EMILIN2: variants seen among roughly 807,000 people sequenced by gnomAD.
EMILIN2 encodes the protein EMILIN-2.
EMILIN2 carries 71 observed loss-of-function variants against 87.1 expected under a neutral mutation model. That is an observed-to-expected ratio of 0.82 (90% CI 0.67 to 0.99). EMILIN2 has a LOEUF of 0.99. Among genes scored for constraint, EMILIN2 ranks in the 50% least tolerant of loss-of-function variants. The pLI is 0.00. For missense variants in EMILIN2, 1,407 were observed against 1,371.8 expected (o/e 1.03, Z -0.40); for synonymous variants, 581 against 563.4 (o/e 1.03, Z -0.44).
At chr18:2,902,592 G>A (rs1269112406) in intron 4 of EMILIN2, among the ~76,000 whole-genome samples, 2 of 152,230 alleles carry the variant, frequency 1.3e-5, no homozygotes, top group Admixed American at 1.3e-4. Flanking sequence ...AGTCACATGA[G>A]AGCTGGGTAC....
At chr18:2,875,618 G>A (rs1355210372) in intron 2 of EMILIN2, among the ~76,000 whole-genome samples, 1 of 152,186 alleles carries the variant, frequency 6.6e-6, no homozygotes, top group Non-Finnish European at 1.5e-5. Flanking sequence ...CCACGCTTAG[G>A]GCAGTGCCTT....
In EMILIN2 at chr18:2,907,012, TCTGCCGCGGGGC is replaced by T; in HGVS notation, c.2590_2601del (p.Leu864_Gly867del). 7.5e-7 allele frequency: 1 copy of T among 1,339,160 alleles called. No homozygotes were observed. Among genetic ancestry groups the T allele is most frequent in the Non-Finnish European group, 9.5e-7 (1 of 1,047,470 alleles). 83.0% of individuals were successfully genotyped at this position (1,339,160 alleles called of 1,614,324 possible). A position where few individuals can be genotyped will look rare whatever the true frequency, so the allele number is the denominator to read the frequency against. ...CAGGCGCAGGCGTGTCTGGGCGGGGTCTGCCGCGGGGCGTGGACGGCCAGACCGGGAGCGGCA... is the reference window on the plus strand; with the variant it reads ...CAGGCGCAGGCGTGTCTGGGCGGGGTGTGGACGGCCAGACCGGGAGCGGCA... On this transcript the variant is annotated inframe_deletion, in exon 5 of 8. Transcript: ENST00000254528.
chr18:2,906,878 G>A lies in EMILIN2; in HGVS notation c.2455G>A (p.Asp819Asn). ...PRPSGPATAEDPGRRPVLPQR... is the reference protein window; with the variant it reads ...PRPSGPATAENPGRRPVLPQR... ...GCCCAGCGGCCCCGCAACCGCAGAGGACCCTGGGCGACGGCCCGTCCTGCC... is the reference window on the plus strand; with the variant it reads ...GCCCAGCGGCCCCGCAACCGCAGAGAACCCTGGGCGACGGCCCGTCCTGCC... Residue 819 changes from aspartate (D) to asparagine (N), a missense_variant, in exon 5 of 8, where the codon GAC (aspartate) becomes AAC (asparagine). Transcript: ENST00000254528. 1 of 1,389,196 alleles carries A rather than the reference G, an allele frequency of 7.2e-7. No individual in the cohort carries two copies. The highest frequency in any genetic ancestry group is 9.3e-7 in the Non-Finnish European group (1 of 1,070,042). The allele number at this position is 1,389,196 out of a possible 1,614,324, so 86.1% of individuals were successfully genotyped here. A position where few individuals can be genotyped will look rare whatever the true frequency, so the allele number is the denominator to read the frequency against.
At chr18:2,851,462 A>G (rs967331282) in intron 2 of EMILIN2, among the ~76,000 whole-genome samples, 1 of 152,130 alleles carries the variant, frequency 6.6e-6, no homozygotes, top group African/African-American at 2.4e-5. Flanking sequence ...CATTCTGCCT[A>G]TCTGGGGACA....
intron 4 of EMILIN2, among the ~76,000 whole-genome samples, chr18:2,899,463 C>G (rs567270171): frequency 2.0e-5 from 3 of 152,146 alleles, no homozygotes; most frequent in Non-Finnish European, 1.5e-5. Flanking sequence ...TCCTCCTATG[C>G]GCTTCCATAT....
intron 2 of EMILIN2, among the ~76,000 whole-genome samples, chr18:2,853,750 G>A (rs545348917): frequency 6.6e-6 from 1 of 152,322 alleles, no homozygotes; most frequent in South Asian, 2.1e-4. Flanking sequence ...ATCCACAGCC[G>A]GGCTGAGCAC....
Position 2,847,655 on chromosome 18 carries a change from C to T in EMILIN2, c.135-154C>T, listed in dbSNP as rs776024474. ...GCTCTCCAGAGGCGCACCCGGGCAC[C>T]CTCCGGCGTCTGCTCGGTGAAGCTC... On this transcript the variant is annotated intron_variant, in intron 1 of 7. Transcript: ENST00000254528. The surrounding 1 kb of genome is among the most constrained non-coding windows in gnomAD (Gnocchi z 4.5). Among the ~76,000 whole-genome samples the T allele has an allele frequency of 1.4e-4, 21 of 152,212 alleles. No individual in the cohort carries two copies. The highest frequency in any genetic ancestry group is 3.1e-4 in the Non-Finnish European group (21 of 68,030).
At position 2,909,010 on chromosome 18, in the gene EMILIN2, G is replaced by C. The variant is rs143958656; in HGVS notation, c.2695+35G>C. ...CTGAGAGACCAGGAGCAGGAGGAGCGGTCTCCTTGGTGGCCTCTGCCCCTC... is the reference window on the plus strand; with the variant it reads ...CTGAGAGACCAGGAGCAGGAGGAGCCGTCTCCTTGGTGGCCTCTGCCCCTC... On this transcript the variant is annotated intron_variant, in intron 6 of 7. Coordinates refer to ENST00000254528, the MANE Select transcript of EMILIN2 (RefSeq NM_032048.3). 1.6e-3 allele frequency: 2,541 copies of C among 1,612,216 alleles called. 44 individuals are homozygous for C. The African/African-American group carries it at 0.029, about 18-fold the overall frequency.
At chr18:2,862,301 T>C (rs1311544796) in intron 2 of EMILIN2, among the ~76,000 whole-genome samples, 2 of 152,220 alleles carry the variant, frequency 1.3e-5, no homozygotes, top group African/African-American at 4.8e-5. Context: ...AGGGCATCCC[T>C]GTCTTGTGCC....
rs1261054319 is a variant in EMILIN2, at chr18:2,885,285, A to G, written c.433+146A>G. ...ATACCTGCAGTAGCCACATGTGACA[A>G]ATTTATTCTCAGGAGCAGTAGCAAT... is the stretch of plus-strand genomic sequence containing the variant. On this transcript the variant is annotated intron_variant, in intron 3 of 7. Coordinates refer to ENST00000254528, the MANE Select transcript of EMILIN2 (RefSeq NM_032048.3). 4 of 881,008 alleles carry G rather than the reference A, an allele frequency of 4.5e-6. No individual in the cohort carries two copies. The East Asian group carries it at 9.2e-5, about 20-fold the overall frequency. The allele number at this position is 881,008 out of a possible 1,614,324, so 54.6% of individuals were successfully genotyped here.
At chr18:2,857,288 C>G (rs951062932) in intron 2 of EMILIN2, among the ~76,000 whole-genome samples, 2 of 152,166 alleles carry the variant, frequency 1.3e-5, no homozygotes, top group Non-Finnish European at 2.9e-5. Context: ...CCAACTTTTC[C>G]CATCTCTGTG....
Position 2,913,029 on chromosome 18 carries a change from ACAG to A in EMILIN2, c.2825-34_2825-32del, listed in dbSNP as rs373204633. The stretch of plus-strand genomic sequence containing the variant: ...TACTACCATGGCAAGGGCTGTGACG[ACAG>A]CAGGTGAGCACAGGGTTTGCCTTTC... On this transcript the variant is annotated intron_variant, in intron 7 of 7. Transcript: ENST00000254528. 2.9e-4 allele frequency: 464 copies of A among 1,598,848 alleles called. No individual in the cohort carries two copies. The African/African-American group carries it at 5.6e-3, about 19-fold the overall frequency.
intron 3 of EMILIN2, among the ~76,000 whole-genome samples, chr18:2,885,750 T>C (rs999950578): frequency 1.3e-5 from 2 of 152,212 alleles, no homozygotes; most frequent in South Asian, 4.1e-4. Context: ...ACTCCTGACC[T>C]CAAGTGATCT....
At chr18:2,888,787 C>T (rs1486554435) in intron 3 of EMILIN2, among the ~76,000 whole-genome samples, 2 of 151,100 alleles carry the variant, frequency 1.3e-5, no homozygotes, top group African/African-American at 2.4e-5. Context: ...ATTTGTAGCT[C>T]TCTGCAAAAA....
chr18:2,857,950 G>A (rs2076636253), intron 2 of EMILIN2, among the ~76,000 whole-genome samples: 2 of 152,052 alleles, frequency 1.3e-5, no homozygotes, highest in Admixed American at 6.6e-5. Flanking sequence ...CGAGATTTGC[G>A]AGTCATTCTG....
rs146287610 is a variant in EMILIN2 at position 2,854,940 on chromosome 18, G to A, written c.257+7009G>A. Among the ~76,000 whole-genome samples, 30 of 152,310 alleles carry A rather than the reference G, an allele frequency of 2.0e-4. 1 individual carries two copies. The East Asian group carries it at 4.2e-3, about 22-fold the overall frequency. ...GTTCAAAAAGTACCTTTTGTGTATA[G>A]CTTTGGGGGAATTTTCTTTCCTTCA... On this transcript the variant is annotated intron_variant, in intron 2 of 7. Transcript: ENST00000254528.
rs994365363 is a variant in EMILIN2 at position 2,914,878 on chromosome 18, G to A, written c.*1474G>A. 6.6e-6 allele frequency: 1 copy of A among 152,206 alleles called. No individual in the cohort carries two copies. The highest frequency in any genetic ancestry group is 1.5e-5 in the Non-Finnish European group (1 of 68,052). The allele number at this position is 152,206 out of a possible 1,614,324, so 9.4% of individuals were successfully genotyped here. Reference sequence around the variant, plus strand: ...TGGACCTCTTTGTCCAGGAGCGGGAGGGAGAATGGCATCTCACCCCATTAC... The same window carrying A: ...TGGACCTCTTTGTCCAGGAGCGGGAAGGAGAATGGCATCTCACCCCATTAC... On this transcript the variant is annotated 3_prime_UTR_variant, in exon 8 of 8. Transcript: ENST00000254528.
intron 2 of EMILIN2, among the ~76,000 whole-genome samples, chr18:2,851,274 TAA>T (rs796173904): frequency 7.1e-6 from 1 of 140,864 alleles, no homozygotes; most frequent in African/African-American, 2.6e-5. Context: ...CCTATCACTA[TAA>T]AAAAAAAAAA....
intron 2 of EMILIN2, among the ~76,000 whole-genome samples, chr18:2,875,533 C>T (rs1389987370): frequency 6.6e-6 from 1 of 152,086 alleles, no homozygotes; most frequent in African/African-American, 2.4e-5. Flanking sequence ...TGTGGGCCTC[C>T]ATCAAGTCTT....
Sources: gnomAD v4.1 joint callset for allele counts (sites outside exome capture counted in the v4.1 genomes callset) on GRCh38, gnomAD v4.1.1 for gene constraint, Gnocchi (gnomAD v3.1) non-coding constraint, MANE v1.5 for transcripts, NCBI Gene and HGNC (gene_info 2026-07-23, HGNC 2026-07-21) for gene names.